Variants in SHISA6 observed in about 807,000 individuals in gnomAD.
SHISA6 encodes the protein protein shisa-6.
In SHISA6, 22 loss-of-function variants were observed where a neutral mutation model predicts 47.9. That is an observed-to-expected ratio of 0.46 (90% confidence interval 0.33 to 0.66). The LOEUF (loss-of-function observed/expected upper bound fraction) is 0.66, where lower values mean the gene tolerates loss of function less well. Ranked by LOEUF, SHISA6 falls within the 30% of genes least tolerant of loss-of-function variation. The probability of loss-of-function intolerance (pLI) is 0.02; values close to 1 mark genes in which losing one functional copy is unlikely to be tolerated. For synonymous variants in SHISA6, 388 were observed against 337.8 expected, an observed-to-expected ratio of 1.15 and a Z score of -1.63; for missense variants, 680 against 764.6, an observed-to-expected ratio of 0.89 and a Z score of 1.30.
intron 3 of SHISA6, among the ~76,000 whole-genome samples, chr17:11,395,395 A>G (rs540116814): frequency 1.2e-3 from 189 of 151,542 alleles, no homozygotes; most frequent in African/African-American, 4.3e-3. Context: ...TATGAAGGCT[A>G]TCGATTTCCT....
chr17:11,546,811 C>T (rs1192869588), intron 3 of SHISA6, among the ~76,000 whole-genome samples: 2 of 152,084 alleles, frequency 1.3e-5, no homozygotes, highest in Admixed American at 1.3e-4. Context: ...ATCCCAGCTA[C>T]TCGGGAGGCT....
intron 2 of SHISA6, among the ~76,000 whole-genome samples, chr17:11,278,494 A>G (rs1909006307): frequency 6.6e-6 from 1 of 152,210 alleles, no homozygotes; most frequent in African/African-American, 2.4e-5. Flanking sequence ...ATTATTCAGA[A>G]GTTTTACAAG....
chr17:11,291,131 G>A (rs900299083), intron 2 of SHISA6, among the ~76,000 whole-genome samples: 6 of 152,082 alleles, frequency 3.9e-5, no homozygotes, highest in Admixed American at 3.9e-4. Context: ...TCGAGGGGTA[G>A]TGAGCAGATA....
At chr17:11,425,078 T>G (rs1914575134) in intron 3 of SHISA6, among the ~76,000 whole-genome samples, 2 of 151,416 alleles carry the variant, frequency 1.3e-5, no homozygotes, top group African/African-American at 2.4e-5. Context: ...TGTAGGCACA[T>G]GGTATCTGTG....
intron 3 of SHISA6, among the ~76,000 whole-genome samples, chr17:11,400,916 C>T (rs934331402): frequency 1.3e-5 from 2 of 152,204 alleles, no homozygotes; most frequent in African/African-American, 4.8e-5. Flanking sequence ...TTTCTGTGTA[C>T]TTCACCCTCC....
intron 2 of SHISA6, among the ~76,000 whole-genome samples, chr17:11,304,569 T>G (rs1402553866): frequency 6.6e-6 from 1 of 151,758 alleles, no homozygotes; most frequent in African/African-American, 2.4e-5. Flanking sequence ...TTGAGCTGAT[T>G]GGAGAGGAAG....
chr17:11,399,628 C>A (rs1448623987), intron 3 of SHISA6, among the ~76,000 whole-genome samples: 1 of 152,068 alleles, frequency 6.6e-6, no homozygotes, highest in African/African-American at 2.4e-5. Context: ...CACTATGTTA[C>A]CCATGCTGGT....
intron 2 of SHISA6, among the ~76,000 whole-genome samples, chr17:11,273,516 G>A (rs1259926408): frequency 2.6e-5 from 4 of 152,242 alleles, no homozygotes; most frequent in Non-Finnish European, 4.4e-5. Context: ...AAGGAGAGGA[G>A]CAACTTGGGC....
At chr17:11,525,238 T>C (rs1044822860) in intron 3 of SHISA6, among the ~76,000 whole-genome samples, 1 of 152,126 alleles carries the variant, frequency 6.6e-6, no homozygotes, top group Non-Finnish European at 1.5e-5. Flanking sequence ...ATCTTCTCAG[T>C]TATACGATTC....
At chr17:11,510,538 C>T (rs886216283) in intron 3 of SHISA6, among the ~76,000 whole-genome samples, 1 of 152,180 alleles carries the variant, frequency 6.6e-6, no homozygotes, top group African/African-American at 2.4e-5. Flanking sequence ...GCTTAAGCCA[C>T]AAACCCTGGG....
chr17:11,271,516 C>T (rs1908656187), intron 2 of SHISA6, among the ~76,000 whole-genome samples: 5 of 151,484 alleles, frequency 3.3e-5, no homozygotes. Context: ...CAGCTAACTG[C>T]TATCTCTGCC....
chr17:11,457,254 C>A (rs908388905), intron 3 of SHISA6, among the ~76,000 whole-genome samples: 1 of 152,152 alleles, frequency 6.6e-6, no homozygotes, highest in Non-Finnish European at 1.5e-5. Flanking sequence ...TCATCTCTAC[C>A]CTGCACTCCT....
At chr17:11,384,327 G>T (rs1381315505) in intron 3 of SHISA6, among the ~76,000 whole-genome samples, 1 of 152,190 alleles carries the variant, frequency 6.6e-6, no homozygotes, top group East Asian at 1.9e-4. Context: ...CTTATTAGAG[G>T]CACACATTTT....
intron 2 of SHISA6, among the ~76,000 whole-genome samples, chr17:11,316,717 G>T (rs1047902434): frequency 2.0e-5 from 3 of 151,838 alleles, no homozygotes; most frequent in African/African-American, 7.3e-5. Flanking sequence ...ACCACGCCCG[G>T]CCCATCCTTC....
chr17:11,405,908 A>G (rs531015790), intron 3 of SHISA6, among the ~76,000 whole-genome samples: 1 of 152,178 alleles, frequency 6.6e-6, no homozygotes, highest in African/African-American at 2.4e-5. Flanking sequence ...AAACCCAACC[A>G]CAGGCCTGCT....
chr17:11,264,254 T>C (rs1358035334), intron 2 of SHISA6, among the ~76,000 whole-genome samples: 1 of 152,232 alleles, frequency 6.6e-6, no homozygotes, highest in Non-Finnish European at 1.5e-5. Context: ...CCAAGAGTCA[T>C]GCTGAGCCTT....
At chr17:11,492,759 G>C (rs2071375124) in intron 3 of SHISA6, among the ~76,000 whole-genome samples, 2 of 152,098 alleles carry the variant, frequency 1.3e-5, no homozygotes, top group Admixed American at 1.3e-4. Flanking sequence ...CACCACTCCT[G>C]AACTCAGACC....
chr17:11,465,371 T>A (rs1915784754), intron 3 of SHISA6, among the ~76,000 whole-genome samples: 2 of 152,192 alleles, frequency 1.3e-5, no homozygotes, highest in Admixed American at 1.3e-4. Context: ...TGTCCTATAC[T>A]AGATTATCAA....
At chr17:11,357,209 T>TGAA (rs888640984) in intron 2 of SHISA6, among the ~76,000 whole-genome samples, 101 of 71,238 alleles carry the variant, frequency 1.4e-3, no homozygotes, top group Middle Eastern at 7.7e-3. Flanking sequence ...AAAAAAAAAA[T>TGAA]GAAGAAGAAG....
Sources: gnomAD v4.1 joint callset for allele counts (sites outside exome capture counted in the v4.1 genomes callset) on GRCh38, gnomAD v4.1.1 for gene constraint, MANE v1.5 for transcripts, NCBI Gene and HGNC (gene_info 2026-07-23, HGNC 2026-07-21) for gene names.